The following SPG7 variants were observed in gnomAD, a reference collection of about 807,000 sequenced individuals.
The protein encoded by SPG7 is SPG7 matrix AAA peptidase subunit, paraplegin, also known as mitochondrial inner membrane m-AAA protease component paraplegin.
SPG7 carries 103 observed loss-of-function variants against 81.9 expected under a neutral mutation model. That is an observed-to-expected ratio of 1.26 (90% confidence interval 1.07 to 1.48). SPG7 has a LOEUF of 1.48. Ranked by LOEUF, SPG7 falls within the 40% of genes most tolerant of loss-of-function variation. The probability of loss-of-function intolerance (pLI) is 0.00; values close to 1 mark genes in which losing one functional copy is unlikely to be tolerated. For missense variants in SPG7, 1,241 were observed against 1,087.3 expected, an observed-to-expected ratio of 1.14 and a Z score of -1.99; for synonymous variants, 534 against 444.2, an observed-to-expected ratio of 1.20 and a Z score of -2.54.
chr16:89,546,111 C>T (rs1251820122), intron 10 of SPG7: 13 of 278,778 alleles, frequency 4.7e-5, no homozygotes, highest in South Asian at 3.8e-4. Context: ...TTTTTTGAGA[C>T]AGTCTCACTC....
rs549462824 is a variant in SPG7 at position 89,515,702 on chromosome 16, T to C, written c.376+2665T>C. Among the ~76,000 whole-genome samples, 230 of 145,550 alleles carry C rather than the reference T, an allele frequency of 1.6e-3. 3 individuals are homozygous for C. Among genetic ancestry groups the C allele is most frequent in the African/African-American group, 5.4e-3 (209 of 38,770 alleles). ...CCCTCATTTCTATTATTATTATTAC[T>C]ATTATTATTATTATTTTTTTTTTTG... On this transcript the variant is annotated intron_variant, in intron 3 of 16. Transcript: ENST00000645818.
In SPG7 at chr16:89,546,706, C is replaced by T; in HGVS notation, c.1498C>T (p.Gln500Ter). Reference protein sequence around the residue: ...EQHLKSLKLTQSSTFYSQRLA... With the variant: ...EQHLKSLKLT Reference sequence around the variant, plus strand: ...GCACCTGAAGAGCCTGAAGCTGACCCAGTCCAGCACCTTTTACTCCCAGCG... The same window carrying T: ...GCACCTGAAGAGCCTGAAGCTGACCTAGTCCAGCACCTTTTACTCCCAGCG... Residue 500 changes from glutamine to a stop codon, truncating the protein, a stop_gained, in exon 11 of 17, where the codon CAG becomes TAG. Transcript: ENST00000645818. LOFTEE classifies it high-confidence loss of function. 6.2e-7 allele frequency: 1 copy of T among 1,613,894 alleles called. No individual in the cohort carries two copies. Among genetic ancestry groups the T allele is most frequent in the Non-Finnish European group, 8.5e-7 (1 of 1,179,810 alleles).
intron 9 of SPG7, among the ~76,000 whole-genome samples, chr16:89,534,890 C>G (rs1475813161): frequency 2.6e-5 from 4 of 152,238 alleles, no homozygotes; most frequent in East Asian, 1.9e-4. Flanking sequence ...GTCTCTTCCC[C>G]TCCTGTGTCA....
intron 9 of SPG7, among the ~76,000 whole-genome samples, chr16:89,535,154 C>A (rs192859193): frequency 6.6e-5 from 10 of 152,318 alleles, no homozygotes; most frequent in African/African-American, 2.4e-4. Flanking sequence ...ATTGGTGCAG[C>A]AGTGCTGTGG....
chr16:89,519,929 A>G (rs954751358), intron 3 of SPG7: 1 of 152,168 alleles, frequency 6.6e-6, no homozygotes, highest in African/African-American at 2.4e-5. Flanking sequence ...GAAGTGAGTT[A>G]TGTGATCATA....
intron 9 of SPG7, chr16:89,540,187 A>G (rs2058477183): frequency 6.6e-6 from 1 of 152,152 alleles, no homozygotes; most frequent in African/African-American, 2.4e-5. Context: ...TGTTTCAGCT[A>G]TTCCTTTGCC....
At chr16:89,540,781 C>A in intron 9 of SPG7, 2 of 541,444 alleles carry the variant, frequency 3.7e-6, no homozygotes, top group Non-Finnish European at 4.7e-6. Context: ...ACCACATGAC[C>A]CCGCATCCAC....
chr16:89,549,528 G>A, intron 12 of SPG7: 1 of 322,886 alleles, frequency 3.1e-6, no homozygotes, highest in Non-Finnish European at 6.0e-6. Flanking sequence ...AGCCAGGCAT[G>A]GTGGTGGAGC....
At chr16:89,532,088 T>C in intron 8 of SPG7, 22 bp downstream of exon 8, 13 of 1,609,504 alleles carry the variant, frequency 8.1e-6, no homozygotes, top group Non-Finnish European at 1.0e-5. Context: ...GGTTGGGGGC[T>C]GTGGGTGGGC....
intron 4 of SPG7, among the ~76,000 whole-genome samples, chr16:89,525,664 G>T (rs974313979): frequency 6.6e-6 from 1 of 152,172 alleles, no homozygotes; most frequent in Admixed American, 6.5e-5. Flanking sequence ...TTAGGAAAAC[G>T]CTGCGTTTGG....
chr16:89,508,411 G>A lies in SPG7; in HGVS notation c.-7G>A, dbSNP rs970277369. On this transcript the variant is annotated 5_prime_UTR_variant, in exon 1 of 17. Transcript: ENST00000645818. ...GCGGATCACGCAGGCGCGGCTTTCA[G>A]GCCAACATGGCCGTGCTGCTGCTGC... is the stretch of plus-strand genomic sequence containing the variant. 2.2e-5 allele frequency: 32 copies of A among 1,482,080 alleles called. No individual in the cohort carries two copies. The East Asian group carries it at 6.3e-4, about 29-fold the overall frequency. The allele number at this position is 1,482,080 out of a possible 1,614,324, so 91.8% of individuals were successfully genotyped here. A position where few individuals can be genotyped will look rare whatever the true frequency, so the allele number is the denominator to read the frequency against.
At chr16:89,512,809 T>A (rs1777338368) in intron 2 of SPG7, 139 bp from the exon 3 acceptor site, 12 of 800,618 alleles carry the variant, frequency 1.5e-5, no homozygotes, top group Non-Finnish European at 2.5e-5. Flanking sequence ...TATTTCATAT[T>A]TATAAATCTT....
At chr16:89,516,915 A>AAAAAAAG (rs1045827710) in intron 3 of SPG7, 1 of 152,158 alleles carries the variant, frequency 6.6e-6, no homozygotes. Flanking sequence ...CTTGTCTCAA[A>AAAAAAAG]AAAAAAGAAA....
At chr16:89,525,854 G>A (rs1455101646) in intron 4 of SPG7, among the ~76,000 whole-genome samples, 5 of 152,138 alleles carry the variant, frequency 3.3e-5, no homozygotes, top group African/African-American at 4.8e-5. Context: ...GCCTCTGGGG[G>A]GCTCCTGCTG....
chr16:89,550,181 T>G, intron 12 of SPG7: 1 of 362,112 alleles, frequency 2.8e-6, no homozygotes, highest in Non-Finnish European at 5.4e-6. Flanking sequence ...TTCTTTTTTG[T>G]TTGTTTTTTG....
chr16:89,546,889 C>G, intron 11 of SPG7, 129 bp downstream of exon 11: 11 of 720,540 alleles, frequency 1.5e-5, no homozygotes, highest in Non-Finnish European at 2.3e-5. Flanking sequence ...CTGCTCAGTA[C>G]AAGCCTGGGA....
In SPG7 at chr16:89,556,991, G is replaced by C; in HGVS notation, c.2286G>C (p.Arg762Ser). The change falls in exon 17 of 17, where the codon AGG (arginine) becomes AGC (serine). Residue 762 changes from arginine to serine, a missense_variant. By Grantham distance (110) the Arg-to-Ser change is moderately radical. Coordinates refer to ENST00000645818, the MANE Select transcript of SPG7 (RefSeq NM_003119.4). ...CGAAGAAAATGATCGCACCGCAGAG[G>C]TGGATCGACGCCCAGAGGGAGAAAC... ...HGPKKMIAPQ[R>S]WIDAQREKQD... The C allele has an allele frequency of 6.2e-7, 1 of 1,613,968 alleles. No homozygotes were observed.
intron 15 of SPG7, among the ~76,000 whole-genome samples, 181 bp from the exon 16 acceptor site, chr16:89,554,305 C>T (rs536033515): frequency 6.6e-6 from 1 of 152,294 alleles, no homozygotes; most frequent in Admixed American, 6.5e-5. Context: ...GGTGGGCTGG[C>T]ATGCGGAGCC....
In SPG7 at chr16:89,508,452, G is replaced by A. The variant is rs2057959338; in HGVS notation, c.35G>A (p.Arg12His). 3.3e-6 allele frequency: 5 copies of A among 1,502,872 alleles called. No individual in the cohort carries two copies. Among genetic ancestry groups the A allele is most frequent in the Non-Finnish European group, 4.4e-6 (5 of 1,132,978 alleles). The allele number at this position is 1,502,872 out of a possible 1,614,324, so 93.1% of individuals were successfully genotyped here. ...CTGCTGCTGCTGCTCCGTGCCCTCC[G>A]CCGGGGTCCAGGCCCGGGTCCTCGG... ...AVLLLLLRAL[R>H]RGPGPGPRPL... The change falls in exon 1 of 17, where the codon CGC becomes CAC. Residue 12 changes from arginine to histidine, a missense_variant. By Grantham distance (29) the Arg-to-His change is conservative (BLOSUM62 0). Coordinates refer to ENST00000645818, the MANE Select transcript of SPG7 (RefSeq NM_003119.4).
Sources: allele counts gnomAD v4.1 joint callset (sites outside exome capture counted in the v4.1 genomes callset), GRCh38; gene constraint gnomAD v4.1.1; transcripts MANE v1.5; gene names NCBI Gene and HGNC (gene_info 2026-07-23, HGNC 2026-07-21).